KDM2B: variants seen among roughly 807,000 people sequenced by gnomAD.
KDM2B encodes the protein lysine-specific demethylase 2B.
Under a neutral mutation model 150.0 loss-of-function variants are expected in KDM2B, and 26 were observed. That is an observed-to-expected ratio of 0.17 (90% CI 0.13 to 0.24). The LOEUF (loss-of-function observed/expected upper bound fraction) is 0.24. KDM2B is among the 10% of genes least tolerant of loss of function. The probability of loss-of-function intolerance (pLI) is 1.00; values close to 1 mark genes in which losing one functional copy is unlikely to be tolerated. For missense variants in KDM2B, 1,265 were observed against 1,816.9 expected, an observed-to-expected ratio of 0.70 and a Z score of 5.52; for synonymous variants, 734 against 729.5, an observed-to-expected ratio of 1.01 and a Z score of -0.10.
At chr12:121,508,930 T>G (rs1555303376) in intron 11 of KDM2B, among the ~76,000 whole-genome samples, 1 of 152,162 alleles carries the variant, frequency 6.6e-6, no homozygotes, top group African/African-American at 2.4e-5. Context: ...CTGGAGGGGT[T>G]CGTCTCTCGA....
chr12:121,417,922 G>A, the KDM2B span: 1 of 1,610,124 alleles, frequency 6.2e-7, no homozygotes, highest in Non-Finnish European at 8.5e-7. This position sits in a 1 kb window ranked among gnomAD's most constrained non-coding sequence, Gnocchi z 5.0. Flanking sequence ...GTACGAGGGG[G>A]TAACTAATTA....
chr12:121,545,314 C>T (rs1888944665), intron 6 of KDM2B, among the ~76,000 whole-genome samples: 1 of 151,906 alleles, frequency 6.6e-6, no homozygotes, highest in African/African-American at 2.4e-5. Context: ...TAGCTCTATT[C>T]GCCACACAAT....
In KDM2B at chr12:121,443,019, G is replaced by C. The variant is rs1555289009; in HGVS notation, c.2577C>G (p.Gly859=). ...LTYFQQQLKP[G]KEDKLFRKKR... ...TTTTCCTGAAAAGCTTATCTTCTTT[G>C]CCAGGTTTGAGCTGTCACGAAAAAG... Residue 859 remains glycine, a synonymous_variant, in exon 18 of 23, where the codon GGC becomes GGG. Coordinates refer to ENST00000377071, the MANE Select transcript of KDM2B (RefSeq NM_032590.5). The C allele has an allele frequency of 6.2e-7, 1 of 1,613,102 alleles. No individual in the cohort carries two copies. Among genetic ancestry groups the C allele is most frequent in the Non-Finnish European group, 8.5e-7 (1 of 1,179,600 alleles).
intron 12 of KDM2B, among the ~76,000 whole-genome samples, chr12:121,477,930 C>T (rs575652924): frequency 2.0e-5 from 3 of 150,924 alleles, no homozygotes; most frequent in South Asian, 2.1e-4. Flanking sequence ...TTTATGGAGA[C>T]GGGGATCTCA....
At chr12:121,432,077 T>C (rs1341309498) in intron 22 of KDM2B, among the ~76,000 whole-genome samples, 1 of 151,900 alleles carries the variant, frequency 6.6e-6, no homozygotes, top group African/African-American at 2.4e-5. Context: ...AGATGGGGTT[T>C]CACCATGTTA....
intron 4 of KDM2B, among the ~76,000 whole-genome samples, chr12:121,552,536 G>A (rs1889581010): frequency 6.6e-6 from 1 of 152,126 alleles, no homozygotes; most frequent in African/African-American, 2.4e-5. Flanking sequence ...AGCCAAGTAT[G>A]GTGGCACACG....
intron 2 of KDM2B, 93 bp downstream of exon 2, chr12:121,578,709 G>A: frequency 1.1e-6 from 1 of 911,968 alleles, no homozygotes; most frequent in Non-Finnish European, 1.4e-6. Context: ...TGGGGGACGC[G>A]GGCGCGAAAT....
intron 22 of KDM2B, among the ~76,000 whole-genome samples, chr12:121,435,994 G>C (rs1555286662): frequency 1.3e-5 from 2 of 152,162 alleles, no homozygotes; most frequent in Admixed American, 1.3e-4. Context: ...GCATTTGAAG[G>C]GAACAGTCAA....
Position 121,549,401 on chromosome 12 carries a change from G to T in KDM2B, c.576+59C>A. Reference sequence around the variant, plus strand: ...CAAGGCACAACCCAGGTGGCAGGGGGACAGGGAAGGAGATGAGGTGGAAGG... The same window carrying T: ...CAAGGCACAACCCAGGTGGCAGGGGTACAGGGAAGGAGATGAGGTGGAAGG... On this transcript the variant is annotated intron_variant, in intron 5 of 22. Coordinates refer to ENST00000377071, the MANE Select transcript of KDM2B (RefSeq NM_032590.5). The surrounding 1 kb of genome is among the most constrained non-coding windows in gnomAD (Gnocchi z 4.4). The T allele has an allele frequency of 6.8e-7, 1 of 1,467,602 alleles. No individual in the cohort carries two copies. The highest frequency in any genetic ancestry group is 2.3e-5 in the East Asian group (1 of 43,234). 90.9% of individuals were successfully genotyped at this position (1,467,602 alleles called of 1,614,324 possible). A position where few individuals can be genotyped will look rare whatever the true frequency, so the allele number is the denominator to read the frequency against.
the KDM2B span, chr12:121,409,716 T>G: frequency 1.3e-5 from 2 of 152,184 alleles, no homozygotes; most frequent in African/African-American, 4.8e-5. Flanking sequence ...ACCATTCTCT[T>G]AAGGGCAGTT....
intron 4 of KDM2B, among the ~76,000 whole-genome samples, chr12:121,551,381 T>G (rs1889479439): frequency 6.6e-6 from 1 of 150,462 alleles, no homozygotes; most frequent in South Asian, 2.1e-4. Flanking sequence ...GGTCTCGCTC[T>G]GTCACCCAGG....
chr12:121,551,856 C>G (rs1351448570), intron 4 of KDM2B, among the ~76,000 whole-genome samples: 1 of 152,058 alleles, frequency 6.6e-6, no homozygotes, highest in Non-Finnish European at 1.5e-5. Context: ...CCCAGCATGA[C>G]AGGGTTTCAT....
chr12:121,423,742 T>C, the KDM2B span: 1 of 648,444 alleles, frequency 1.5e-6, no homozygotes. The surrounding 1 kb of genome is among the most constrained non-coding windows in gnomAD (Gnocchi z 4.3). Flanking sequence ...GAAACATTGG[T>C]CCATGCCGTG....
Position 121,451,127 on chromosome 12 carries a change from C to A in KDM2B, c.1959+1993G>T, listed in dbSNP as rs541263444. Among the ~76,000 whole-genome samples the A allele has an allele frequency of 6.6e-5, 10 of 152,140 alleles. No individual in the cohort carries two copies. In the South Asian group the frequency reaches 1.9e-3, roughly 28 times the overall value. On this transcript the variant is annotated intron_variant, in intron 13 of 22. Transcript: ENST00000377071. The stretch of plus-strand genomic sequence containing the variant: ...CTCCTGCCCCCCCCTTCTACCTCCT[C>A]CATCTCTTCTGCCTCTGCCACCTCT...
rs782296633 is a variant in KDM2B, at chr12:121,442,808, C to T, written c.2633G>A (p.Arg878His). ...KRRSWKNAED[R>H]MALANKPLRR... is the part of the protein sequence containing the mutation. ...GAGGGGCTTGTTGGCCAGCGCCATG[C>T]GGTCCTCGGCGTTCTTCCAGGACCG... Residue 878 changes from arginine (R) to histidine (H), a missense_variant, in exon 19 of 23, where the codon CGC becomes CAC. By Grantham distance (29) the Arg-to-His change is conservative. Transcript: ENST00000377071. This position sits in a 1 kb window ranked among gnomAD's most constrained non-coding sequence, Gnocchi z 7.7. 4 of 1,525,940 alleles carry T rather than the reference C, an allele frequency of 2.6e-6. No homozygotes were observed. Among genetic ancestry groups the T allele is most frequent in the African/African-American group, 1.4e-5 (1 of 71,832 alleles). The allele number at this position is 1,525,940 out of a possible 1,614,324, so 94.5% of individuals were successfully genotyped here. A position where few individuals can be genotyped will look rare whatever the true frequency, so the allele number is the denominator to read the frequency against.
chr12:121,447,308 G>A (rs1876442652), intron 13 of KDM2B, among the ~76,000 whole-genome samples: 2 of 151,560 alleles, frequency 1.3e-5, no homozygotes, highest in Non-Finnish European at 2.9e-5. Context: ...GAGTGCAGTG[G>A]CACGGTCTCG....
At chr12:121,577,991 G>A (rs369708866) in intron 2 of KDM2B, among the ~76,000 whole-genome samples, 5 of 152,156 alleles carry the variant, frequency 3.3e-5, no homozygotes, top group African/African-American at 1.2e-4. Context: ...CCCTGGAGGC[G>A]TCCCCAGATT....
intron 8 of KDM2B, among the ~76,000 whole-genome samples, chr12:121,525,123 G>A (rs1555306588): frequency 6.6e-6 from 1 of 152,112 alleles, no homozygotes; most frequent in Admixed American, 6.5e-5. Context: ...CCCTGCGCCG[G>A]GCCAGGATCA....
At chr12:121,466,090 T>C (rs1424306106) in intron 12 of KDM2B, among the ~76,000 whole-genome samples, 1 of 152,098 alleles carries the variant, frequency 6.6e-6, no homozygotes, top group Non-Finnish European at 1.5e-5. Context: ...TATAATACGA[T>C]TTAAGCGCAG....
Sources: allele counts gnomAD v4.1 joint callset (sites outside exome capture counted in the v4.1 genomes callset), GRCh38; gene constraint gnomAD v4.1.1; non-coding constraint Gnocchi (gnomAD v3.1); transcripts MANE v1.5; gene names NCBI Gene and HGNC (gene_info 2026-07-23, HGNC 2026-07-21).